PRKG1: variants seen among roughly 807,000 people sequenced by gnomAD.
PRKG1 encodes protein kinase cGMP-dependent 1, also known as cGMP-dependent protein kinase 1.
Under a neutral mutation model 88.1 loss-of-function variants are expected in PRKG1, and 35 were observed. That is an observed-to-expected ratio of 0.40 (90% confidence interval 0.30 to 0.53). The LOEUF is 0.53. Among genes scored for constraint, PRKG1 ranks in the 20% least tolerant of loss-of-function variants. The pLI is 0.59. For synonymous variants in PRKG1, 303 were observed against 292.5 expected (o/e 1.04, Z -0.37); for missense variants, 540 against 839.8 (o/e 0.64, Z 4.41).
chr10:51,059,544 G>A (rs1254840981), intron 1 of PRKG1, among the ~76,000 whole-genome samples: 2 of 152,004 alleles, frequency 1.3e-5, no homozygotes, highest in African/African-American at 4.8e-5. Context: ...TTATGCGCAT[G>A]AGCCGCCACA....
At chr10:51,742,575 T>C (rs1202296957) in intron 3 of PRKG1, among the ~76,000 whole-genome samples, 1 of 152,126 alleles carries the variant, frequency 6.6e-6, no homozygotes, top group African/African-American at 2.4e-5. Context: ...CCGGAACTGG[T>C]TGTCTCACAT....
In PRKG1 at chr10:52,280,781, C is replaced by T. The variant is rs747908474; in HGVS notation, c.1404-8C>T. 3.1e-6 allele frequency: 5 copies of T among 1,608,686 alleles called. No homozygotes were observed. Among genetic ancestry groups the T allele is most frequent in the Non-Finnish European group, 4.2e-6 (5 of 1,177,456 alleles). ...TTATACAATTTTCATTCCATTTCTG[C>T]ACCTCAGAGGTTCGTTTGAAGATTC... On this transcript the variant is annotated splice_region_variant and splice_polypyrimidine_tract_variant and intron_variant, in intron 12 of 17. Transcript: ENST00000373980.
intron 2 of PRKG1, among the ~76,000 whole-genome samples, chr10:51,429,680 T>C (rs1838700773): frequency 6.6e-6 from 1 of 151,840 alleles, no homozygotes; most frequent in African/African-American, 2.4e-5. Flanking sequence ...TTGAGAAGTA[T>C]AATTAAATGA....
At chr10:51,189,053 G>T (rs1386981532) in intron 2 of PRKG1, among the ~76,000 whole-genome samples, 1 of 151,702 alleles carries the variant, frequency 6.6e-6, no homozygotes, top group Non-Finnish European at 1.5e-5. Context: ...CCTATTGAGG[G>T]TCTCAGAATA....
In PRKG1 at chr10:51,230,280, GAC is replaced by G. The variant is rs143578982; in HGVS notation, c.478+76952_478+76953del. Among the ~76,000 whole-genome samples, 1,043 of 152,290 alleles carry G rather than the reference GAC, an allele frequency of 6.8e-3. 18 individuals carry two copies. The highest frequency in any genetic ancestry group is 0.024 in the African/African-American group (996 of 41,564). ...TTTCAGAAGGGTATATGCACAAAGA[GAC>G]ATGCATAGAGGCTTTCTGGGAGATA... On this transcript the variant is annotated intron_variant, in intron 2 of 17. Coordinates refer to ENST00000373980, the MANE Select transcript of PRKG1 (RefSeq NM_006258.4).
intron 9 of PRKG1, among the ~76,000 whole-genome samples, chr10:52,246,994 T>G (rs1254900495): frequency 6.6e-6 from 1 of 151,870 alleles, no homozygotes; most frequent in Non-Finnish European, 1.5e-5. Flanking sequence ...TGAGAAATGA[T>G]GTATTACTTC....
chr10:51,470,218 T>C (rs1840013433), intron 3 of PRKG1, among the ~76,000 whole-genome samples: 1 of 151,852 alleles, frequency 6.6e-6, no homozygotes, highest in Non-Finnish European at 1.5e-5. Context: ...GTTTTTAAGG[T>C]TCATTTATTT....
At chr10:52,162,780 A>G (rs1183791432) in intron 9 of PRKG1, among the ~76,000 whole-genome samples, 1 of 152,190 alleles carries the variant, frequency 6.6e-6, no homozygotes, top group Non-Finnish European at 1.5e-5. Flanking sequence ...TAAGAATTAT[A>G]TTCTATGTTA....
intron 9 of PRKG1, among the ~76,000 whole-genome samples, chr10:52,172,114 TA>T (rs1440976968): frequency 6.6e-6 from 1 of 152,228 alleles, no homozygotes; most frequent in Non-Finnish European, 1.5e-5. Flanking sequence ...TCAAAAATTT[TA>T]AAACTCTCAA....
At chr10:51,866,253 A>G (rs537370981) in intron 4 of PRKG1, among the ~76,000 whole-genome samples, 7 of 152,208 alleles carry the variant, frequency 4.6e-5, no homozygotes, top group Admixed American at 2.0e-4. Flanking sequence ...TTTACGTAAT[A>G]TTAGAAAGTT....
At chr10:51,273,662 A>G (rs1840040343) in intron 2 of PRKG1, among the ~76,000 whole-genome samples, 2 of 152,274 alleles carry the variant, frequency 1.3e-5, no homozygotes, top group African/African-American at 4.8e-5. Context: ...GACATCTCAC[A>G]TAAGAAGACA....
intron 4 of PRKG1, among the ~76,000 whole-genome samples, chr10:51,857,734 C>A (rs1840719083): frequency 6.6e-6 from 1 of 151,952 alleles, no homozygotes; most frequent in Non-Finnish European, 1.5e-5. Flanking sequence ...TTAGAGCCAG[C>A]CAGATTTCTT....
intron 9 of PRKG1, among the ~76,000 whole-genome samples, chr10:52,193,703 ATAACT>A (rs1332130849): frequency 6.6e-6 from 1 of 152,222 alleles, no homozygotes; most frequent in Non-Finnish European, 1.5e-5. Context: ...ACATCAACAA[ATAACT>A]TAAAACATAT....
At chr10:51,005,138 C>A (rs568899132) in intron 1 of PRKG1, among the ~76,000 whole-genome samples, 22 of 152,034 alleles carry the variant, frequency 1.4e-4, no homozygotes, top group African/African-American at 5.1e-4. Flanking sequence ...GATCAGAATT[C>A]AATCATATTA....
intron 4 of PRKG1, among the ~76,000 whole-genome samples, chr10:51,836,273 A>T (rs1840128656): frequency 6.6e-6 from 1 of 152,162 alleles, no homozygotes; most frequent in African/African-American, 2.4e-5. Context: ...AACACACAAT[A>T]GGGAAAGGGC....
intron 2 of PRKG1, among the ~76,000 whole-genome samples, chr10:51,393,186 G>A (rs1474670562): frequency 1.3e-5 from 2 of 150,524 alleles, no homozygotes; most frequent in Admixed American, 6.6e-5. Context: ...AGACGGGGTC[G>A]CGGGGCCGGG....
intron 9 of PRKG1, among the ~76,000 whole-genome samples, chr10:52,249,578 A>ATCTC: frequency 6.6e-6 from 1 of 152,088 alleles, no homozygotes; most frequent in Non-Finnish European, 1.5e-5. Context: ...CCAAAATGAG[A>ATCTC]ATTTTGGGGG....
intron 1 of PRKG1, among the ~76,000 whole-genome samples, chr10:51,044,998 A>G (rs1485479472): frequency 6.6e-6 from 1 of 152,160 alleles, no homozygotes; most frequent in African/African-American, 2.4e-5. Flanking sequence ...ATTTTAGTGC[A>G]TGTATTTGGT....
chr10:51,568,283 A>G (rs183806744), intron 3 of PRKG1: 324 of 152,248 alleles, frequency 2.1e-3, no homozygotes, highest in African/African-American at 7.2e-3. Flanking sequence ...TGCAGGGAAT[A>G]CATTTCTTAA....
Sources: gnomAD v4.1 joint callset for allele counts (sites outside exome capture counted in the v4.1 genomes callset) on GRCh38, gnomAD v4.1.1 for gene constraint, MANE v1.5 for transcripts, NCBI Gene and HGNC (gene_info 2026-07-23, HGNC 2026-07-21) for gene names.